DOCK5: variants seen among roughly 807,000 people sequenced by gnomAD.
DOCK5 encodes the protein dedicator of cytokinesis protein 5.
Under a neutral mutation model 251.8 loss-of-function variants are expected in DOCK5, and 142 were observed. The observed-to-expected ratio is 0.56, with a 90% CI of 0.49 to 0.65. The LOEUF is 0.65. Ranked by LOEUF, DOCK5 falls within the 30% of genes least tolerant of loss-of-function variation. The probability of loss-of-function intolerance (pLI) is 0.00; values close to 1 mark genes in which losing one functional copy is unlikely to be tolerated. For missense variants in DOCK5, 2,111 were observed against 2,312.3 expected (o/e 0.91, Z 1.79); for synonymous variants, 842 against 835.5 (o/e 1.01, Z -0.13).
chr8:25,394,225 TA>T (rs1255750909), intron 44 of DOCK5, among the ~76,000 whole-genome samples: 1 of 151,798 alleles, frequency 6.6e-6, no homozygotes, highest in African/African-American at 2.4e-5. Flanking sequence ...ACCCTGTCTC[TA>T]AAAGAAAAAA....
chr8:25,261,661 C>T (rs1485918629), intron 2 of DOCK5, among the ~76,000 whole-genome samples: 1 of 152,164 alleles, frequency 6.6e-6, no homozygotes, highest in Non-Finnish European at 1.5e-5. Context: ...GTTTACAATT[C>T]AATGTGTTTT....
intron 40 of DOCK5, among the ~76,000 whole-genome samples, chr8:25,388,396 C>A (rs1030932953): frequency 6.6e-6 from 1 of 152,160 alleles, no homozygotes; most frequent in African/African-American, 2.4e-5. Flanking sequence ...GGCAACCACA[C>A]CTGTGAGACA....
chr8:25,221,348 C>T (rs1205595348), intron 1 of DOCK5, among the ~76,000 whole-genome samples: 1 of 152,092 alleles, frequency 6.6e-6, no homozygotes, highest in African/African-American at 2.4e-5. Context: ...CTCGCTCTGT[C>T]GCCAGGCTGG....
intron 35 of DOCK5, among the ~76,000 whole-genome samples, chr8:25,373,043 G>A (rs1289963274): frequency 3.3e-5 from 5 of 150,132 alleles, no homozygotes; most frequent in Admixed American, 2.0e-4. Context: ...TTCTGTTGCC[G>A]GGCTGGAGTG....
intron 48 of DOCK5, among the ~76,000 whole-genome samples, chr8:25,405,650 C>G (rs77262802): frequency 0.012 from 1,758 of 152,210 alleles, 29 homozygotes; most frequent in African/African-American, 0.039. Context: ...ATTAACTTGT[C>G]TAGAATCCTA....
chr8:25,205,804 G>A (rs988453352), intron 1 of DOCK5, among the ~76,000 whole-genome samples: 3 of 152,162 alleles, frequency 2.0e-5, no homozygotes, highest in African/African-American at 4.8e-5. Flanking sequence ...CATCTTCACC[G>A]ATTCACCAGG....
intron 2 of DOCK5, among the ~76,000 whole-genome samples, chr8:25,256,315 C>T (rs908483302): frequency 2.6e-5 from 4 of 152,100 alleles, no homozygotes; most frequent in African/African-American, 7.2e-5. Context: ...ACCTTGAATA[C>T]TTGTTTAGTT....
intron 1 of DOCK5, among the ~76,000 whole-genome samples, chr8:25,193,257 G>A (rs1801631631): frequency 6.6e-6 from 1 of 151,846 alleles, no homozygotes; most frequent in South Asian, 2.1e-4. Context: ...TGTGTTTAAA[G>A]TTACCTTATT....
intron 34 of DOCK5, among the ~76,000 whole-genome samples, 168 bp from the exon 35 acceptor site, chr8:25,372,391 A>G (rs1260889344): frequency 6.6e-6 from 1 of 152,206 alleles, no homozygotes; most frequent in South Asian, 2.1e-4. Flanking sequence ...AAGGTGTTGC[A>G]TGAGGTGTGT....
chr8:25,193,411 C>G (rs956243599), intron 1 of DOCK5, among the ~76,000 whole-genome samples: 4 of 148,000 alleles, frequency 2.7e-5, no homozygotes, highest in African/African-American at 1.0e-4. Context: ...GGTACTTAGA[C>G]AGCACTGTAG....
intron 28 of DOCK5, among the ~76,000 whole-genome samples, chr8:25,360,991 C>T (rs1237704415): frequency 6.6e-6 from 1 of 152,126 alleles, no homozygotes; most frequent in African/African-American, 2.4e-5. Flanking sequence ...AATGAGGGAA[C>T]TTGCCTGAAT....
At chr8:25,190,102 G>C (rs1586213652) in intron 1 of DOCK5, among the ~76,000 whole-genome samples, 1 of 152,150 alleles carries the variant, frequency 6.6e-6, no homozygotes. Context: ...GGTCAGGCTG[G>C]TCTGGAACTC....
At chr8:25,399,862 C>G in intron 45 of DOCK5, 49 bp from the exon 46 acceptor site, 1 of 1,445,130 alleles carries the variant, frequency 6.9e-7, no homozygotes. Flanking sequence ...GGCTTTCCTG[C>G]ACAGATAGGA....
rs1220839629 is a variant in DOCK5, at chr8:25,408,953, G to A, written c.5404+13G>A. ...ACCAGGACCCTAAGTAAGTTTTCCT[G>A]TATTCCTTATAGTCTTTTTACTAGG... On this transcript the variant is annotated intron_variant, in intron 50 of 51. Transcript: ENST00000276440. 1 of 1,613,900 alleles carries A rather than the reference G, an allele frequency of 6.2e-7. No homozygotes were observed. Among genetic ancestry groups the A allele is most frequent in the Non-Finnish European group, 8.5e-7 (1 of 1,179,852 alleles).
At position 25,184,837 on chromosome 8, in the gene DOCK5, GGGC is replaced by G. The variant is rs538644542; in HGVS notation, c.-62_-60del. 8.0e-6 allele frequency: 10 copies of G among 1,246,430 alleles called. No homozygotes were observed. In the South Asian group the frequency reaches 8.6e-5, roughly 11 times the overall value. The allele number at this position is 1,246,430 out of a possible 1,614,324, so 77.2% of individuals were successfully genotyped here. On this transcript the variant is annotated 5_prime_UTR_variant, in exon 1 of 52. Transcript: ENST00000276440. ...AGCGTCTGGGGCACGCAGGAGCGCG[GGGC>G]GGCGGCGGCCGGAGCCCGAGGAGCT...
chr8:25,404,854 G>A (rs557002649), intron 48 of DOCK5, among the ~76,000 whole-genome samples: 1 of 152,190 alleles, frequency 6.6e-6, no homozygotes, highest in African/African-American at 2.4e-5. Context: ...ACACAGGAGT[G>A]CCTAGTTACT....
At chr8:25,326,916 A>G (rs1294353359) in intron 18 of DOCK5, among the ~76,000 whole-genome samples, 1 of 152,250 alleles carries the variant, frequency 6.6e-6, no homozygotes, top group Non-Finnish European at 1.5e-5. Flanking sequence ...ATTTCAAAAC[A>G]TAGTGAAGGA....
intron 22 of DOCK5, among the ~76,000 whole-genome samples, chr8:25,337,065 A>G (rs1805830114): frequency 6.6e-6 from 1 of 152,228 alleles, no homozygotes; most frequent in Admixed American, 6.5e-5. Flanking sequence ...TACATATAGT[A>G]CAGATGAAAG....
At position 25,296,458 on chromosome 8, in the gene DOCK5, A is replaced by C. The variant is rs914920101; in HGVS notation, c.471-55A>C. 17 of 1,571,186 alleles carry C rather than the reference A, an allele frequency of 1.1e-5. No homozygotes were observed. In the Middle Eastern group the frequency reaches 5.5e-4, roughly 50 times the overall value. On this transcript the variant is annotated intron_variant, in intron 6 of 51. Coordinates refer to ENST00000276440, the MANE Select transcript of DOCK5 (RefSeq NM_024940.8). Reference sequence around the variant, plus strand: ...CTGGGCTCCTTGACAAGGACTCCTCAGTAAAAAGTCTGCCCCTGGTGAGGA... The same window carrying C: ...CTGGGCTCCTTGACAAGGACTCCTCCGTAAAAAGTCTGCCCCTGGTGAGGA...
Sources: gnomAD v4.1 joint callset for allele counts (sites outside exome capture counted in the v4.1 genomes callset) on GRCh38, gnomAD v4.1.1 for gene constraint, MANE v1.5 for transcripts, NCBI Gene and HGNC (gene_info 2026-07-23, HGNC 2026-07-21) for gene names.